VTI1A: variants seen among roughly 807,000 people sequenced by gnomAD.
VTI1A encodes vesicle transport through interaction with t-SNAREs homolog 1A.
VTI1A carries 22 observed loss-of-function variants against 34.9 expected under a neutral mutation model. That is an observed-to-expected ratio of 0.63 (90% CI 0.45 to 0.90). VTI1A has a LOEUF of 0.90. VTI1A is among the 40% of genes least tolerant of loss of function. The pLI is 0.00. For synonymous variants in VTI1A, 87 were observed against 97.3 expected (o/e 0.89, Z 0.62); for missense variants, 268 against 275.6 (o/e 0.97, Z 0.20).
chr10:112,459,847 C>G (rs986479473), intron 1 of VTI1A, among the ~76,000 whole-genome samples: 47 of 152,166 alleles, frequency 3.1e-4, no homozygotes, highest in African/African-American at 9.2e-4. Flanking sequence ...AGAGACTTAG[C>G]ACTTTATAAT....
At chr10:112,615,048 A>G (rs914391743) in intron 5 of VTI1A, among the ~76,000 whole-genome samples, 18 of 152,192 alleles carry the variant, frequency 1.2e-4, no homozygotes, top group Admixed American at 5.2e-4. Context: ...CAAATGGATC[A>G]TTGTTGAAAT....
rs1468347694 is a variant in VTI1A at position 112,817,165 on chromosome 10, C to T, written c.*1782C>T. On this transcript the variant is annotated 3_prime_UTR_variant, in exon 8 of 8. Coordinates refer to ENST00000393077, the MANE Select transcript of VTI1A (RefSeq NM_145206.4). Reference sequence around the variant, plus strand: ...CAAACAAACAACCCTTTTCTCATTCCGACACACGAATAGTCATCGAGTATT... The same window carrying T: ...CAAACAAACAACCCTTTTCTCATTCTGACACACGAATAGTCATCGAGTATT... 1 of 232,486 alleles carries T rather than the reference C, an allele frequency of 4.3e-6. No homozygotes were observed. Among genetic ancestry groups the T allele is most frequent in the East Asian group, 6.1e-5 (1 of 16,526 alleles). 14.4% of individuals were successfully genotyped at this position (232,486 alleles called of 1,614,324 possible).
intron 7 of VTI1A, among the ~76,000 whole-genome samples, chr10:112,676,626 A>G (rs575189928): frequency 2.4e-4 from 37 of 152,214 alleles, no homozygotes; most frequent in African/African-American, 8.0e-4. Context: ...TGTCCCTACT[A>G]GTGGTAACTA....
rs1250014141 is a variant in VTI1A, at chr10:112,815,379, A to G, written c.650A>G (p.His217Arg). 1.2e-6 allele frequency: 2 copies of G among 1,613,008 alleles called. No homozygotes were observed. The highest frequency in any genetic ancestry group is 1.7e-5 in the Admixed American group (1 of 59,996). Reference sequence around the variant, plus strand: ...GCGATCACTTTTTCTGTCAGAAGACACTGATGTATCTGCTCTCCCTTGATA... The same window carrying G: ...GCGATCACTTTTTCTGTCAGAAGACGCTGATGTATCTGCTCTCCCTTGATA... ...LMAITFSVRR[H>R] Residue 217 changes from histidine to arginine, a missense_variant, in exon 8 of 8, where the codon CAC becomes CGC. Transcript: ENST00000393077.
At chr10:112,603,372 T>C (rs1844953035) in intron 5 of VTI1A, among the ~76,000 whole-genome samples, 1 of 152,216 alleles carries the variant, frequency 6.6e-6, no homozygotes, top group African/African-American at 2.4e-5. Context: ...CATTGATATA[T>C]AGCAGAGGTA....
chr10:112,784,355 G>A (rs1488405831), intron 7 of VTI1A, among the ~76,000 whole-genome samples: 2 of 152,158 alleles, frequency 1.3e-5, no homozygotes, highest in African/African-American at 4.8e-5. Context: ...TCTGCTTTTC[G>A]AGGGGAAAAG....
chr10:112,796,683 T>C lies in VTI1A; in HGVS notation c.561-18607T>C, dbSNP rs956206105. The stretch of plus-strand genomic sequence containing the variant: ...ACTATACTAGAGTATCTTCAAACCC[T>C]GGGAGGGAAAAGTTCTTCCTGGGCC... On this transcript the variant is annotated intron_variant, in intron 7 of 7. Coordinates refer to ENST00000393077, the MANE Select transcript of VTI1A (RefSeq NM_145206.4). 4.6e-5 allele frequency among the ~76,000 whole-genome samples: 7 copies of C among 152,304 alleles called. 2 individuals are homozygous for C. Among genetic ancestry groups the C allele is most frequent in the East Asian group, 1.9e-4 (1 of 5,186 alleles).
intron 4 of VTI1A, among the ~76,000 whole-genome samples, chr10:112,531,482 G>A (rs4434930): frequency 0.12 from 17,281 of 139,486 alleles, 1,213 homozygotes; most frequent in East Asian, 0.27. Context: ...CCTAAGCAAA[G>A]AAAAAAAAAA....
At chr10:112,853,006 G>A in the VTI1A span, among the ~76,000 whole-genome samples, 7 of 151,970 alleles carry the variant, frequency 4.6e-5, no homozygotes, top group Non-Finnish European at 7.4e-5. Flanking sequence ...GGCTGGTCTC[G>A]AACTCCAGAC....
chr10:112,571,517 GA>G, intron 5 of VTI1A, among the ~76,000 whole-genome samples: 1 of 152,176 alleles, frequency 6.6e-6, no homozygotes. Context: ...GGAGAAAAGG[GA>G]CACTTATACA....
intron 4 of VTI1A, among the ~76,000 whole-genome samples, chr10:112,537,287 A>AT (rs947844342): frequency 7.4e-6 from 1 of 134,342 alleles, no homozygotes; most frequent in African/African-American, 2.7e-5. Context: ...AGATACATAC[A>AT]TTTATATATT....
intron 7 of VTI1A, among the ~76,000 whole-genome samples, chr10:112,697,466 A>G (rs748448558): frequency 2.1e-5 from 3 of 145,516 alleles, no homozygotes; most frequent in Non-Finnish European, 4.5e-5. Context: ...GCGCTATCTC[A>G]GCTCACTGCA....
At chr10:112,724,781 T>C (rs563932081) in intron 7 of VTI1A, among the ~76,000 whole-genome samples, 168 of 127,342 alleles carry the variant, frequency 1.3e-3, no homozygotes, top group African/African-American at 5.7e-3. Flanking sequence ...ATCCCCCCTT[T>C]TTTTGAAAAA....
At chr10:112,719,539 A>G (rs1000207234) in intron 7 of VTI1A, among the ~76,000 whole-genome samples, 2 of 151,714 alleles carry the variant, frequency 1.3e-5, no homozygotes, top group African/African-American at 2.4e-5. Context: ...ACCACAAACA[A>G]TTGTAGAACT....
At chr10:112,558,714 A>G (rs1323416881) in intron 5 of VTI1A, among the ~76,000 whole-genome samples, 1 of 152,196 alleles carries the variant, frequency 6.6e-6, no homozygotes. Context: ...GGTCCTGTCA[A>G]TCAAAGGTGC....
intron 7 of VTI1A, among the ~76,000 whole-genome samples, chr10:112,769,400 C>G (rs1851737157): frequency 6.6e-6 from 1 of 152,168 alleles, no homozygotes; most frequent in African/African-American, 2.4e-5. Context: ...GTCTATTTAC[C>G]TCTCCTTCTC....
At chr10:112,703,985 A>G (rs1849104557) in intron 7 of VTI1A, among the ~76,000 whole-genome samples, 1 of 152,218 alleles carries the variant, frequency 6.6e-6, no homozygotes, top group Non-Finnish European at 1.5e-5. Flanking sequence ...TTTTTGATAT[A>G]TGCATAGTGT....
At chr10:112,472,425 T>C (rs1848122519) in intron 3 of VTI1A, among the ~76,000 whole-genome samples, 1 of 152,198 alleles carries the variant, frequency 6.6e-6, no homozygotes, top group African/African-American at 2.4e-5. Flanking sequence ...TCAAAGGATG[T>C]TGTGGAACAG....
intron 4 of VTI1A, among the ~76,000 whole-genome samples, chr10:112,528,145 T>A (rs1431684340): frequency 6.6e-6 from 1 of 152,166 alleles, no homozygotes; most frequent in Non-Finnish European, 1.5e-5. Context: ...AATCAGTCAC[T>A]GAGTAAACCA....
Sources: gnomAD v4.1 joint callset for allele counts (sites outside exome capture counted in the v4.1 genomes callset) on GRCh38, gnomAD v4.1.1 for gene constraint, MANE v1.5 for transcripts, NCBI Gene and HGNC (gene_info 2026-07-23, HGNC 2026-07-21) for gene names.